The following MACROD2 variants were observed in gnomAD, a reference collection of about 807,000 sequenced individuals.
MACROD2 encodes mono-ADP ribosylhydrolase 2.
Under a neutral mutation model 70.4 loss-of-function variants are expected in MACROD2, and 36 were observed. The observed-to-expected ratio is 0.51, with a 90% confidence interval of 0.39 to 0.68. The LOEUF (loss-of-function observed/expected upper bound fraction) is 0.68, where lower values mean the gene tolerates loss of function less well. Ranked by LOEUF, MACROD2 falls within the 30% of genes least tolerant of loss-of-function variation. The pLI, the probability that MACROD2 is intolerant of heterozygous loss-of-function variation, is 0.00. For missense variants in MACROD2, 496 were observed against 538.4 expected (o/e 0.92, Z 0.78); for synonymous variants, 172 against 178.8 (o/e 0.96, Z 0.30).
At chr20:15,794,967 AC>A (rs908794289) in intron 8 of MACROD2, among the ~76,000 whole-genome samples, 1 of 151,352 alleles carries the variant, frequency 6.6e-6, no homozygotes, top group Admixed American at 6.6e-5. Context: ...CCTCTTTCCT[AC>A]CCCCCACCCA....
intron 5 of MACROD2, among the ~76,000 whole-genome samples, chr20:15,086,319 T>C (rs2075748536): frequency 6.6e-6 from 1 of 152,188 alleles, no homozygotes; most frequent in Non-Finnish European, 1.5e-5. Context: ...TGTTATCTTT[T>C]GCTAAGTTTT....
intron 8 of MACROD2, among the ~76,000 whole-genome samples, chr20:15,612,059 T>C (rs768781829): frequency 2.0e-5 from 3 of 151,532 alleles, no homozygotes; most frequent in Non-Finnish European, 4.4e-5. Flanking sequence ...GTGGAGTCGA[T>C]TTTCATACAG....
intron 3 of MACROD2, among the ~76,000 whole-genome samples, chr20:14,257,581 A>G (rs1189608843): frequency 6.6e-6 from 1 of 152,178 alleles, no homozygotes; most frequent in African/African-American, 2.4e-5. Flanking sequence ...AAGATTACTT[A>G]AAAATCTGAG....
At chr20:15,691,660 G>A (rs575333581) in intron 8 of MACROD2, among the ~76,000 whole-genome samples, 1 of 152,146 alleles carries the variant, frequency 6.6e-6, no homozygotes, top group African/African-American at 2.4e-5. Context: ...GGTGCCTGGC[G>A]CTCACTAGGG....
intron 5 of MACROD2, among the ~76,000 whole-genome samples, chr20:15,031,121 G>T (rs1244177758): frequency 3.3e-5 from 5 of 152,200 alleles, no homozygotes; most frequent in Admixed American, 2.6e-4. Context: ...CTGCACAGGC[G>T]CCAGCTCTAT....
At chr20:14,916,535 CAT>C (rs1295039985) in intron 5 of MACROD2, among the ~76,000 whole-genome samples, 9 of 152,132 alleles carry the variant, frequency 5.9e-5, no homozygotes, top group East Asian at 3.9e-4. Flanking sequence ...TTGTTGGAAA[CAT>C]ATAAAACAAG....
chr20:14,534,903 C>T (rs1207285053), intron 4 of MACROD2, among the ~76,000 whole-genome samples: 1 of 151,934 alleles, frequency 6.6e-6, no homozygotes, highest in Non-Finnish European at 1.5e-5. Context: ...AAATAAAAGA[C>T]AGTTACTAAA....
chr20:15,398,302 A>G (rs141128293), intron 6 of MACROD2, among the ~76,000 whole-genome samples: 115 of 152,322 alleles, frequency 7.5e-4, no homozygotes, highest in African/African-American at 2.4e-3. Flanking sequence ...TTGATTTTTT[A>G]TAGAAGAAAT....
chr20:15,151,983 G>C (rs1285700042), intron 5 of MACROD2, among the ~76,000 whole-genome samples: 1 of 151,864 alleles, frequency 6.6e-6, no homozygotes, highest in Non-Finnish European at 1.5e-5. Context: ...GGGACTGAGG[G>C]GACAGGTGGG....
intron 3 of MACROD2, among the ~76,000 whole-genome samples, chr20:14,339,539 T>G (rs2082991532): frequency 6.6e-6 from 1 of 152,234 alleles, no homozygotes; most frequent in African/African-American, 2.4e-5. Flanking sequence ...TTAATCAGTT[T>G]CGTCTTCATT....
At chr20:14,595,388 G>C (rs1166345854) in intron 4 of MACROD2, among the ~76,000 whole-genome samples, 1 of 152,180 alleles carries the variant, frequency 6.6e-6, no homozygotes, top group African/African-American at 2.4e-5. Flanking sequence ...AGGAAGAAGA[G>C]GGGCCAGCCT....
At chr20:15,297,239 CA>C (rs1249711370) in intron 6 of MACROD2, among the ~76,000 whole-genome samples, 1 of 152,160 alleles carries the variant, frequency 6.6e-6, no homozygotes, top group East Asian at 1.9e-4. Context: ...CCTGTTGATA[CA>C]CTCACCCAAA....
chr20:14,914,785 A>G (rs2074070771), intron 5 of MACROD2, among the ~76,000 whole-genome samples: 1 of 152,208 alleles, frequency 6.6e-6, no homozygotes, highest in African/African-American at 2.4e-5. Context: ...AAACTCCTTC[A>G]TGCTGCCAGA....
chr20:15,661,481 C>T (rs961257573), intron 8 of MACROD2, among the ~76,000 whole-genome samples: 1 of 152,184 alleles, frequency 6.6e-6, no homozygotes, highest in Non-Finnish European at 1.5e-5. Flanking sequence ...ACCACCAAAA[C>T]TCATCCAATC....
chr20:15,704,675 G>A lies in MACROD2; in HGVS notation c.646-158070G>A, dbSNP rs6135484. Reference sequence around the variant, plus strand: ...GTGATGCTGAGGCTCCTGGTCCATGGAACAACTTTTGAGTAGCAAGGTGCT... The same window carrying A: ...GTGATGCTGAGGCTCCTGGTCCATGAAACAACTTTTGAGTAGCAAGGTGCT... On this transcript the variant is annotated intron_variant, in intron 8 of 17. Coordinates refer to ENST00000684519, the MANE Select transcript of MACROD2 (RefSeq NM_001351661.2). Among the ~76,000 whole-genome samples the A allele has an allele frequency of 3.5e-3, 527 of 152,268 alleles. 15 individuals are homozygous for A. In the East Asian group the frequency reaches 0.071, roughly 20 times the overall value.
At chr20:15,997,694 T>A (rs183154406) in intron 15 of MACROD2, among the ~76,000 whole-genome samples, 15 of 152,298 alleles carry the variant, frequency 9.8e-5, no homozygotes, top group Non-Finnish European at 1.5e-4. Flanking sequence ...TTTTTCTTGC[T>A]TAATTGCTTT....
rs1046575957 is a variant in MACROD2, at chr20:14,245,281, T to A, written c.271+159553T>A. On this transcript the variant is annotated intron_variant, in intron 3 of 17. Transcript: ENST00000684519. ...GGGAGGCTGAGGTAGGAGAATGGCG[T>A]GAACCTGGGAGGTGGAGCTTGCAGT... Among the ~76,000 whole-genome samples, 4 of 150,776 alleles carry A rather than the reference T, an allele frequency of 2.7e-5. No individual in the cohort carries two copies. The South Asian group carries it at 8.4e-4, about 32-fold the overall frequency.
At chr20:15,063,181 G>T (rs1353442626) in intron 5 of MACROD2, among the ~76,000 whole-genome samples, 1 of 152,164 alleles carries the variant, frequency 6.6e-6, no homozygotes, top group East Asian at 1.9e-4. Context: ...TGATACGCTG[G>T]AGTAAAGGAA....
At chr20:14,279,953 G>C (rs1810129200) in intron 3 of MACROD2, among the ~76,000 whole-genome samples, 1 of 152,116 alleles carries the variant, frequency 6.6e-6, no homozygotes. Flanking sequence ...CTGTCAGAGG[G>C]AAATTTCTAT....
Sources: allele counts gnomAD v4.1 joint callset (sites outside exome capture counted in the v4.1 genomes callset), GRCh38; gene constraint gnomAD v4.1.1; transcripts MANE v1.5; gene names NCBI Gene and HGNC (gene_info 2026-07-23, HGNC 2026-07-21).